FGGY: variants seen among roughly 807,000 people sequenced by gnomAD.
The protein encoded by FGGY is FGGY carbohydrate kinase domain containing, also known as FGGY carbohydrate kinase domain-containing protein.
In FGGY, 72 loss-of-function variants were observed where a neutral mutation model predicts 71.3. That is an observed-to-expected ratio of 1.01 (90% CI 0.84 to 1.23). The LOEUF (loss-of-function observed/expected upper bound fraction) is 1.23, where lower values mean the gene tolerates loss of function less well. FGGY is among the 50% of genes most tolerant of loss of function. The probability of loss-of-function intolerance (pLI) is 0.00; values close to 1 mark genes in which losing one functional copy is unlikely to be tolerated. For missense variants in FGGY, 668 were observed against 682.3 expected (o/e 0.98, Z 0.23); for synonymous variants, 251 against 250.3 (o/e 1.00, Z -0.02).
At chr1:59,419,247 C>G (rs2153439426) in intron 5 of FGGY, among the ~76,000 whole-genome samples, 1 of 152,142 alleles carries the variant, frequency 6.6e-6, no homozygotes, top group Non-Finnish European at 1.5e-5. Context: ...TTAGACAACC[C>G]TCTGGCAGCA....
intron 8 of FGGY, among the ~76,000 whole-genome samples, chr1:59,594,574 G>A (rs2096496468): frequency 6.6e-6 from 1 of 152,164 alleles, no homozygotes; most frequent in Non-Finnish European, 1.5e-5. Context: ...CCACGCCTCA[G>A]CAACCAGCAC....
intron 1 of FGGY, among the ~76,000 whole-genome samples, chr1:59,317,042 G>A (rs780374688): frequency 1.3e-5 from 2 of 152,152 alleles, no homozygotes; most frequent in African/African-American, 2.4e-5. Context: ...TCTGTACCAT[G>A]CAACTTTAAA....
intron 7 of FGGY, among the ~76,000 whole-genome samples, chr1:59,539,261 T>C (rs1484777299): frequency 3.9e-5 from 6 of 152,142 alleles, no homozygotes; most frequent in African/African-American, 7.2e-5. Context: ...TGTAAGAGGA[T>C]GGAAATTGGT....
intron 7 of FGGY, among the ~76,000 whole-genome samples, chr1:59,537,607 G>C (rs974943675): frequency 1.2e-4 from 18 of 152,128 alleles, no homozygotes; most frequent in South Asian, 4.1e-4. Context: ...TACTACAAGG[G>C]TACAGTAACC....
chr1:59,436,212 G>A (rs554938210), intron 5 of FGGY, among the ~76,000 whole-genome samples: 19 of 152,070 alleles, frequency 1.2e-4, no homozygotes, highest in African/African-American at 3.9e-4. Flanking sequence ...TGACTTCACC[G>A]TCCCTCAGTC....
intron 5 of FGGY, among the ~76,000 whole-genome samples, chr1:59,455,078 CT>C (rs1215919331): frequency 6.6e-6 from 1 of 152,148 alleles, no homozygotes; most frequent in Non-Finnish European, 1.5e-5. Flanking sequence ...TTCATTGTGG[CT>C]TGTCATAATC....
intron 5 of FGGY, among the ~76,000 whole-genome samples, chr1:59,415,153 G>A (rs2064181107): frequency 6.6e-6 from 1 of 152,160 alleles, no homozygotes; most frequent in Non-Finnish European, 1.5e-5. Context: ...GTCTGGTGGG[G>A]CCAAGGGCAA....
Position 59,724,348 on chromosome 1 carries a change from G to A in FGGY, c.1513-33583G>A, listed in dbSNP as rs562384307. Reference sequence around the variant, plus strand: ...AAAAAAAAAAAATTAGCCAGGCATGGTGGCAGGTGCCTGTAGTCCCAGCTA... The same window carrying A: ...AAAAAAAAAAAATTAGCCAGGCATGATGGCAGGTGCCTGTAGTCCCAGCTA... On this transcript the variant is annotated intron_variant, in intron 14 of 15. Coordinates refer to ENST00000303721, the MANE Select transcript of FGGY (RefSeq NM_018291.5). Among the ~76,000 whole-genome samples, 35 of 151,992 alleles carry A rather than the reference G, an allele frequency of 2.3e-4. 1 individual carries two copies. Among genetic ancestry groups the A allele is most frequent in the Admixed American group, 6.5e-4 (10 of 15,276 alleles).
intron 1 of FGGY, among the ~76,000 whole-genome samples, chr1:59,313,902 C>T (rs7516617): frequency 0.19 from 28,593 of 151,982 alleles, 3,238 homozygotes; most frequent in East Asian, 0.35. Flanking sequence ...CATATCACCA[C>T]TCAAGAACTT....
At chr1:59,504,810 T>C (rs2094334704) in intron 6 of FGGY, among the ~76,000 whole-genome samples, 1 of 152,214 alleles carries the variant, frequency 6.6e-6, no homozygotes, top group South Asian at 2.1e-4. Context: ...ATATTCAGCT[T>C]CCTGTGTGAG....
At chr1:59,660,120 C>T (rs967588714) in intron 11 of FGGY, 99 bp from the exon 12 acceptor site, 16 of 1,059,482 alleles carry the variant, frequency 1.5e-5, no homozygotes, top group African/African-American at 9.4e-5. Flanking sequence ...GAACTTGTTT[C>T]GGCAAGAAAA....
chr1:59,749,587 TC>T lies in FGGY; in HGVS notation c.1513-8342del, dbSNP rs1205343696. Among the ~76,000 whole-genome samples the T allele has an allele frequency of 7.2e-5, 11 of 152,252 alleles. No homozygotes were observed. The East Asian group carries it at 2.1e-3, about 29-fold the overall frequency. ...ATCATTCATTGATTCATTTAACAAA[TC>T]CTTATAGATTAACTATTCTGGCCAG... On this transcript the variant is annotated intron_variant, in intron 14 of 15. Coordinates refer to ENST00000303721, the MANE Select transcript of FGGY (RefSeq NM_018291.5).
chr1:59,624,675 A>G (rs1422680250), intron 9 of FGGY, among the ~76,000 whole-genome samples: 4 of 152,190 alleles, frequency 2.6e-5, no homozygotes, highest in African/African-American at 9.7e-5. Context: ...GCGGCAGGCA[A>G]GAGGGAATGA....
chr1:59,731,902 C>A (rs1168345015), intron 14 of FGGY, among the ~76,000 whole-genome samples: 1 of 152,094 alleles, frequency 6.6e-6, no homozygotes, highest in African/African-American at 2.4e-5. Flanking sequence ...GTTTGAGGCC[C>A]CATCTTCCTC....
rs1322868861 is a variant in FGGY, at chr1:59,352,784, T to C, written c.465+6386T>C. Among the ~76,000 whole-genome samples, 3 of 152,198 alleles carry C rather than the reference T, an allele frequency of 2.0e-5. No individual in the cohort carries two copies. In the East Asian group the frequency reaches 5.8e-4, roughly 29 times the overall value. ...CTGGACGAAGCTAATTTTTAAAACCTTATTTGGCCTTATTTTGTCACTCTT... is the reference window on the plus strand; with the variant it reads ...CTGGACGAAGCTAATTTTTAAAACCCTATTTGGCCTTATTTTGTCACTCTT... On this transcript the variant is annotated intron_variant, in intron 4 of 15. Coordinates refer to ENST00000303721, the MANE Select transcript of FGGY (RefSeq NM_018291.5).
At chr1:59,598,562 C>T (rs1029445658) in intron 8 of FGGY, among the ~76,000 whole-genome samples, 2 of 152,022 alleles carry the variant, frequency 1.3e-5, no homozygotes, top group Non-Finnish European at 2.9e-5. Flanking sequence ...GCTCAGTGCC[C>T]TCCCCACCCA....
intron 5 of FGGY, among the ~76,000 whole-genome samples, chr1:59,414,759 G>T (rs1466966012): frequency 1.3e-5 from 2 of 152,202 alleles, no homozygotes; most frequent in African/African-American, 4.8e-5. Context: ...ACTTACCTTT[G>T]TGACCTTTGG....
chr1:59,512,930 C>A (rs1430751103), intron 7 of FGGY, among the ~76,000 whole-genome samples: 1 of 152,154 alleles, frequency 6.6e-6, no homozygotes, highest in Non-Finnish European at 1.5e-5. Context: ...CATAAAACAC[C>A]CGTTGAACAC....
intron 9 of FGGY, among the ~76,000 whole-genome samples, chr1:59,608,297 A>G (rs780685200): frequency 1.3e-5 from 2 of 152,144 alleles, no homozygotes; most frequent in Non-Finnish European, 2.9e-5. Context: ...TTCATGGTCT[A>G]TCCCCTCCAG....
Sources: gnomAD v4.1 joint callset for allele counts (sites outside exome capture counted in the v4.1 genomes callset) on GRCh38, gnomAD v4.1.1 for gene constraint, MANE v1.5 for transcripts, NCBI Gene and HGNC (gene_info 2026-07-23, HGNC 2026-07-21) for gene names.